The following NXPE2 variants were observed in gnomAD, a reference collection of about 807,000 sequenced individuals.
NXPE2 encodes NXPE family member 2.
Under a neutral mutation model 34.4 loss-of-function variants are expected in NXPE2, and 34 were observed. The ratio of observed to expected loss-of-function variants is 0.99; its 90% CI spans 0.75 to 1.31. The LOEUF is 1.31. Ranked by LOEUF, NXPE2 falls within the 40% of genes most tolerant of loss-of-function variation. The probability of loss-of-function intolerance (pLI) is 0.00; values close to 1 mark genes in which losing one functional copy is unlikely to be tolerated. For synonymous variants in NXPE2, 235 were observed against 231.3 expected, an observed-to-expected ratio of 1.02 and a Z score of -0.15; for missense variants, 649 against 672.5, an observed-to-expected ratio of 0.97 and a Z score of 0.39.
the NXPE2 span, chr11:114,522,310 G>A: frequency 3.7e-4 from 603 of 1,614,062 alleles, 12 homozygotes; most frequent in East Asian, 0.011. Context: ...AGGTGATGAC[G>A]ATGGCTGTGT....
At chr11:114,722,135 T>C in the NXPE2 span, among the ~76,000 whole-genome samples, 1 of 152,346 alleles carries the variant, frequency 6.6e-6, no homozygotes, top group East Asian at 1.9e-4. Flanking sequence ...TGTTTGACTC[T>C]GTGTCCCCAC....
At chr11:114,630,065 A>G in the NXPE2 span, among the ~76,000 whole-genome samples, 8 of 151,720 alleles carry the variant, frequency 5.3e-5, no homozygotes, top group Non-Finnish European at 8.8e-5. Context: ...ATGGGTAGGA[A>G]GAATCAATAT....
chr11:114,474,621 T>C, the NXPE2 span, among the ~76,000 whole-genome samples: 1 of 152,102 alleles, frequency 6.6e-6, no homozygotes, highest in Non-Finnish European at 1.5e-5. Context: ...CAAAGCCTGA[T>C]TGAAATGATT....
At chr11:114,603,363 A>G in the NXPE2 span, among the ~76,000 whole-genome samples, 8 of 131,778 alleles carry the variant, frequency 6.1e-5, no homozygotes, top group African/African-American at 1.7e-4. Flanking sequence ...CTATTACCTG[A>G]CGGATGATAA....
chr11:114,771,779 G>T, the NXPE2 span, among the ~76,000 whole-genome samples: 4 of 152,222 alleles, frequency 2.6e-5, no homozygotes, highest in African/African-American at 7.2e-5. Flanking sequence ...TGTGGCCTTA[G>T]CCATGGCAAC....
chr11:114,503,263 T>C, the NXPE2 span, among the ~76,000 whole-genome samples: 1 of 152,270 alleles, frequency 6.6e-6, no homozygotes, highest in Non-Finnish European at 1.5e-5. Context: ...TTTAAGTGAA[T>C]ATCATAATGG....
At chr11:114,597,459 A>G in the NXPE2 span, among the ~76,000 whole-genome samples, 1 of 152,198 alleles carries the variant, frequency 6.6e-6, no homozygotes, top group African/African-American at 2.4e-5. Context: ...ACCTTGTGAT[A>G]TTCAGTTGGA....
chr11:114,593,647 T>C, the NXPE2 span, among the ~76,000 whole-genome samples: 2 of 152,088 alleles, frequency 1.3e-5, no homozygotes, highest in Non-Finnish European at 2.9e-5. Context: ...TAGGCTACCA[T>C]ATGATCCAGC....
the NXPE2 span, among the ~76,000 whole-genome samples, chr11:114,636,477 A>G: frequency 1.3e-5 from 2 of 151,414 alleles, no homozygotes; most frequent in East Asian, 1.9e-4. Flanking sequence ...TTCTGCTCTG[A>G]TTTTAGTTAT....
the NXPE2 span, among the ~76,000 whole-genome samples, chr11:114,786,825 C>CA: frequency 6.6e-6 from 1 of 151,936 alleles, no homozygotes; most frequent in South Asian, 2.1e-4. Flanking sequence ...AGAGCCCCCC[C>CA]ATGCAAGCCC....
At chr11:114,607,897 T>C in the NXPE2 span, among the ~76,000 whole-genome samples, 1 of 151,938 alleles carries the variant, frequency 6.6e-6, no homozygotes, top group African/African-American at 2.4e-5. Context: ...GCCTCGTGGG[T>C]AACCACAGTT....
At chr11:114,552,140 C>A in the NXPE2 span, 1 of 152,126 alleles carries the variant, frequency 6.6e-6, no homozygotes, top group African/African-American at 2.4e-5. Context: ...AGTTGGTTAA[C>A]CTTTGGGAAG....
At chr11:114,710,690 C>T (rs78901593), downstream of NXPE2, among the ~76,000 whole-genome samples, 19 of 152,180 alleles carry the variant, frequency 1.2e-4, no homozygotes, top group East Asian at 3.7e-3. Flanking sequence ...GAAGAATTAA[C>T]ACCAATCCTC....
the NXPE2 span, among the ~76,000 whole-genome samples, chr11:114,736,692 A>C: frequency 3.3e-5 from 5 of 152,146 alleles, no homozygotes; most frequent in African/African-American, 4.8e-5. Context: ...AAGTAAAGAC[A>C]GGCATAGGAA....
At chr11:114,783,351 T>C in the NXPE2 span, among the ~76,000 whole-genome samples, 41 of 152,314 alleles carry the variant, frequency 2.7e-4, no homozygotes, top group African/African-American at 9.9e-4. Flanking sequence ...GGGCCCTTTT[T>C]CTGTGTTCGC....
At chr11:114,530,802 GTC>G in the NXPE2 span, 1 of 1,614,216 alleles carries the variant, frequency 6.2e-7, no homozygotes, top group Non-Finnish European at 8.5e-7. Context: ...TCTGAGTTCA[GTC>G]TCTGTTAGTG....
chr11:114,666,092 C>T, the NXPE2 span, among the ~76,000 whole-genome samples: 1 of 152,080 alleles, frequency 6.6e-6, no homozygotes, highest in African/African-American at 2.4e-5. Context: ...CACATTTTCC[C>T]AGACTTCTGA....
At chr11:114,719,306 A>G in the NXPE2 span, among the ~76,000 whole-genome samples, 2 of 152,244 alleles carry the variant, frequency 1.3e-5, no homozygotes, top group African/African-American at 2.4e-5. Context: ...GAACAAATTA[A>G]TAACCATTCT....
chr11:114,634,525 T>G, the NXPE2 span, among the ~76,000 whole-genome samples: 1 of 152,110 alleles, frequency 6.6e-6, no homozygotes, highest in Non-Finnish European at 1.5e-5. Context: ...GTTTTAGACA[T>G]GAAGTCCTTG....
Sources: allele counts gnomAD v4.1 joint callset (sites outside exome capture counted in the v4.1 genomes callset), GRCh38; gene constraint gnomAD v4.1.1; transcripts MANE v1.5; gene names NCBI Gene and HGNC (gene_info 2026-07-23, HGNC 2026-07-21).